TRPM3: variants seen among roughly 807,000 people sequenced by gnomAD.
The protein encoded by TRPM3 is transient receptor potential cation channel subfamily M member 3.
In TRPM3, 77 loss-of-function variants were observed where a neutral mutation model predicts 181.2. The ratio of observed to expected loss-of-function variants is 0.42; its 90% CI spans 0.35 to 0.51. TRPM3 has a LOEUF of 0.51. Among genes scored for constraint, TRPM3 ranks in the 20% least tolerant of loss-of-function variants. TRPM3 has a pLI of 0.01. For synonymous variants in TRPM3, 745 were observed against 796.4 expected (o/e 0.94, Z 1.09); for missense variants, 1,759 against 2,196.7 (o/e 0.80, Z 3.98).
chr9:71,294,432 C>T (rs894269638), intron 1 of TRPM3, among the ~76,000 whole-genome samples: 20 of 152,036 alleles, frequency 1.3e-4, no homozygotes, highest in African/African-American at 4.6e-4. Flanking sequence ...CCATTTCACA[C>T]CTGCCAGACT....
chr9:70,750,315 G>A (rs1235763707), intron 8 of TRPM3, among the ~76,000 whole-genome samples: 1 of 152,186 alleles, frequency 6.6e-6, no homozygotes. Flanking sequence ...GTAAAAAGAA[G>A]TAATTGAAGT....
chr9:70,917,194 A>G, intron 1 of TRPM3: 1 of 1,603,972 alleles, frequency 6.2e-7, no homozygotes, highest in Admixed American at 1.7e-5. Flanking sequence ...TTTTAAACAC[A>G]ACTTTATTGA....
intron 1 of TRPM3, among the ~76,000 whole-genome samples, chr9:71,251,604 A>C (rs1247652151): frequency 6.6e-6 from 1 of 152,214 alleles, no homozygotes; most frequent in South Asian, 2.1e-4. Flanking sequence ...ACATAGGTAT[A>C]TATATGGGGC....
At chr9:70,553,764 C>T (rs6560143) in intron 22 of TRPM3, among the ~76,000 whole-genome samples, 93,603 of 152,072 alleles carry the variant, frequency 0.62, 29,458 homozygotes, top group East Asian at 0.83. Context: ...GACTATTGAT[C>T]GGGAATTAAC....
intron 25 of TRPM3, among the ~76,000 whole-genome samples, chr9:70,544,808 CA>C (rs1338890540): frequency 3.9e-5 from 6 of 151,986 alleles, no homozygotes; most frequent in Admixed American, 3.9e-4. Flanking sequence ...TAGGTTAGAA[CA>C]AACATTTCAC....
chr9:70,829,298 A>C (rs1159992114), intron 5 of TRPM3, among the ~76,000 whole-genome samples: 1 of 152,218 alleles, frequency 6.6e-6, no homozygotes, highest in Non-Finnish European at 1.5e-5. Flanking sequence ...TGAAGAACTC[A>C]TGTAAGTCAT....
chr9:70,616,160 T>A, intron 17 of TRPM3, 85 bp from the exon 18 acceptor site: 1 of 1,090,768 alleles, frequency 9.2e-7, no homozygotes, highest in Non-Finnish European at 1.3e-6. Flanking sequence ...GAGCCTGAGG[T>A]ATGGGGTATA....
At chr9:71,299,079 C>A (rs1025872407) in intron 1 of TRPM3, among the ~76,000 whole-genome samples, 1 of 152,092 alleles carries the variant, frequency 6.6e-6, no homozygotes, top group Non-Finnish European at 1.5e-5. Context: ...TCAGAACTTT[C>A]TAGTGCACAC....
intron 1 of TRPM3, among the ~76,000 whole-genome samples, chr9:71,033,936 C>G (rs532803643): frequency 6.6e-5 from 10 of 152,140 alleles, no homozygotes; most frequent in Middle Eastern, 6.8e-3. Flanking sequence ...TCACATACAC[C>G]GACACTCACT....
chr9:70,959,903 G>C (rs981115329), intron 1 of TRPM3, among the ~76,000 whole-genome samples: 3 of 152,132 alleles, frequency 2.0e-5, no homozygotes, highest in African/African-American at 7.2e-5. Flanking sequence ...CAGTAGGGTA[G>C]AGCTATCTGA....
intron 1 of TRPM3, among the ~76,000 whole-genome samples, chr9:71,425,451 C>T (rs562968277): frequency 6.6e-6 from 1 of 152,068 alleles, no homozygotes; most frequent in Non-Finnish European, 1.5e-5. Flanking sequence ...ACATAGGACC[C>T]ATTCTTGATT....
chr9:71,312,966 G>C (rs1266613232), intron 1 of TRPM3, among the ~76,000 whole-genome samples: 1 of 152,062 alleles, frequency 6.6e-6, no homozygotes, highest in Non-Finnish European at 1.5e-5. Context: ...TACTACAATG[G>C]GAGAGACATG....
chr9:71,021,268 G>T (rs551607816), intron 1 of TRPM3, among the ~76,000 whole-genome samples: 57 of 152,300 alleles, frequency 3.7e-4, no homozygotes, highest in African/African-American at 1.4e-3. Flanking sequence ...TTTGGGAGGT[G>T]CTGGTATTGT....
At chr9:71,036,420 C>CAT (rs2132844474) in intron 1 of TRPM3, among the ~76,000 whole-genome samples, 1 of 152,306 alleles carries the variant, frequency 6.6e-6, no homozygotes, top group East Asian at 1.9e-4. Flanking sequence ...TTAGCAAGCA[C>CAT]ATATAAACTC....
intron 9 of TRPM3, among the ~76,000 whole-genome samples, chr9:70,646,499 C>A (rs1422919879): frequency 6.6e-6 from 1 of 152,048 alleles, no homozygotes; most frequent in Non-Finnish European, 1.5e-5. Flanking sequence ...TGTTCTCACT[C>A]ATAGTGGGAG....
At chr9:70,959,830 T>G (rs1311636574) in intron 1 of TRPM3, among the ~76,000 whole-genome samples, 3 of 152,216 alleles carry the variant, frequency 2.0e-5, no homozygotes, top group African/African-American at 7.2e-5. Context: ...TAATTTTCTC[T>G]TCCATTTCAC....
At chr9:71,140,244 A>G (rs1002483241) in intron 1 of TRPM3, among the ~76,000 whole-genome samples, 3 of 152,224 alleles carry the variant, frequency 2.0e-5, no homozygotes, top group African/African-American at 7.2e-5. Context: ...ATTTAAGCAG[A>G]TATAGGAAGC....
intron 6 of TRPM3, among the ~76,000 whole-genome samples, chr9:70,822,217 T>C (rs1339908433): frequency 6.6e-6 from 1 of 152,240 alleles, no homozygotes; most frequent in East Asian, 1.9e-4. Context: ...TATTTCTGCG[T>C]GGAATCTCAC....
intron 1 of TRPM3, among the ~76,000 whole-genome samples, chr9:70,979,451 C>G (rs1159690364): frequency 6.6e-6 from 1 of 152,144 alleles, no homozygotes; most frequent in Admixed American, 6.5e-5. Context: ...GGGGATCCAA[C>G]TGTATACATA....
Sources: gnomAD v4.1 joint callset for allele counts (sites outside exome capture counted in the v4.1 genomes callset) on GRCh38, gnomAD v4.1.1 for gene constraint, MANE v1.5 for transcripts, NCBI Gene and HGNC (gene_info 2026-07-23, HGNC 2026-07-21) for gene names.